Variants in MKNK2 observed in about 807,000 individuals in gnomAD.
MKNK2 encodes the protein MAP kinase-interacting serine/threonine-protein kinase 2.
A neutral mutation model predicts 55.0 loss-of-function variants in MKNK2; 54 were observed. That is an observed-to-expected ratio of 0.98 (90% CI 0.79 to 1.23). The LOEUF (loss-of-function observed/expected upper bound fraction) is 1.23. MKNK2 is among the 50% of genes most tolerant of loss of function. The probability of loss-of-function intolerance (pLI) is 0.00; values close to 1 mark genes in which losing one functional copy is unlikely to be tolerated. For synonymous variants in MKNK2, 323 were observed against 256.0 expected, an observed-to-expected ratio of 1.26 and a Z score of -2.50; for missense variants, 685 against 632.1, an observed-to-expected ratio of 1.08 and a Z score of -0.90.
In MKNK2 at chr19:2,039,240, C is replaced by G; in HGVS notation, c.*373G>C. 1 of 1,097,932 alleles carries G rather than the reference C, an allele frequency of 9.1e-7. No homozygotes were observed. The highest frequency in any genetic ancestry group is 1.1e-6 in the Non-Finnish European group (1 of 898,454). 68.0% of individuals were successfully genotyped at this position (1,097,932 alleles called of 1,614,324 possible). On this transcript the variant is annotated 3_prime_UTR_variant, in exon 14 of 14. Coordinates refer to ENST00000250896, the MANE Select transcript of MKNK2 (RefSeq NM_199054.3). ...ATGGCAAACGCTGTGGGCCTGCTCT[C>G]CTGAGTCACTGCAAGCCACGTGGGC...
rs1298468581 is a variant in MKNK2, at chr19:2,050,784, C to G, written c.51+17G>C. 2 of 1,534,806 alleles carry G rather than the reference C, an allele frequency of 1.3e-6. No homozygotes were observed. Among genetic ancestry groups the G allele is most frequent in the Non-Finnish European group, 8.8e-7 (1 of 1,140,902 alleles). On this transcript the variant is annotated intron_variant, in intron 2 of 13. Coordinates refer to ENST00000250896, the MANE Select transcript of MKNK2 (RefSeq NM_199054.3). ...TGGTCCAGCCCGGAGCGCCCCCAAA[C>G]CGACCCCGGGCCTCACCTTGAACGA...
At chr19:2,048,685 C>T (rs537554256) in intron 2 of MKNK2, among the ~76,000 whole-genome samples, 1 of 152,230 alleles carries the variant, frequency 6.6e-6, no homozygotes, top group Non-Finnish European at 1.5e-5. Flanking sequence ...TGGGTGGAGG[C>T]CAGAGGGCAG....
rs201949864 is a variant in MKNK2, at chr19:2,041,072, C to A, written c.1078G>T (p.Ala360Ser). The change falls in exon 12 of 14, where the codon GCC becomes TCC. Residue 360 changes from alanine (A) to serine (S), a missense_variant. Ala to Ser is a moderately conservative substitution (Grantham distance 99). Transcript: ENST00000250896. ...VRDAKQRLSAAQVLQHPWVQG... is the reference protein window; with the variant it reads ...VRDAKQRLSASQVLQHPWVQG... ...ACCCAGGGGTGCTGCAGGACTTGGG[C>A]GGCACTCAGCCTCTGCTTGGCGTCA... 3.3e-5 allele frequency: 53 copies of A among 1,613,954 alleles called. 1 individual carries two copies. In the South Asian group the frequency reaches 5.2e-4, roughly 16 times the overall value.
chr19:2,042,919 C>A, intron 7 of MKNK2, 49 bp from the exon 8 acceptor site: 1 of 1,524,114 alleles, frequency 6.6e-7, no homozygotes, highest in Non-Finnish European at 8.9e-7. Flanking sequence ...CAGGTCACCT[C>A]AAAGTCCCCT....
Position 2,042,534 on chromosome 19 carries a change from C to G in MKNK2, c.655-12G>C. The G allele has an allele frequency of 6.3e-7, 1 of 1,588,784 alleles. No individual in the cohort carries two copies. Among genetic ancestry groups the G allele is most frequent in the South Asian group, 1.1e-5 (1 of 87,034 alleles). On this transcript the variant is annotated splice_polypyrimidine_tract_variant and intron_variant, in intron 9 of 13. Coordinates refer to ENST00000250896, the MANE Select transcript of MKNK2 (RefSeq NM_199054.3). Reference sequence around the variant, plus strand: ...TTCACGGGGGAGACCTGGGAGGGGCCAAAAGGTCCGTGAGCCTGGGGTCCC... The same window carrying G: ...TTCACGGGGGAGACCTGGGAGGGGCGAAAAGGTCCGTGAGCCTGGGGTCCC...
chr19:2,048,463 C>T (rs1464547155), intron 2 of MKNK2, among the ~76,000 whole-genome samples: 1 of 152,122 alleles, frequency 6.6e-6, no homozygotes, highest in Non-Finnish European at 1.5e-5. Flanking sequence ...TACCACTGAG[C>T]TCTCACTCAG....
chr19:2,043,462 G>A, intron 6 of MKNK2, 41 bp downstream of exon 6: 1 of 1,577,298 alleles, frequency 6.3e-7, no homozygotes, highest in South Asian at 1.1e-5. Context: ...TCCACTGAAA[G>A]ACAGCTCAGG....
chr19:2,041,478 C>T (rs1270266632), intron 11 of MKNK2, among the ~76,000 whole-genome samples: 1 of 152,128 alleles, frequency 6.6e-6, no homozygotes, highest in Non-Finnish European at 1.5e-5. Context: ...TGAGCCTGAT[C>T]CCCCCAAACC....
chr19:2,040,206 T>C (rs1463544116), intron 12 of MKNK2, 29 bp from the exon 13 acceptor site: 8 of 1,544,094 alleles, frequency 5.2e-6, no homozygotes, highest in African/African-American at 1.4e-5. Flanking sequence ...GGGGCAGGGC[T>C]GGAGAGCAGC....
chr19:2,051,243 CG>C lies in MKNK2; in HGVS notation c.-245del, dbSNP rs2145699657. ...CTGGGCCACCGCCGCTGAGAGGAGC[CG>C]GGCGCGTCGCCGCCGCCGCCACCTT... On this transcript the variant is annotated 5_prime_UTR_variant, in exon 1 of 14. Coordinates refer to ENST00000250896, the MANE Select transcript of MKNK2 (RefSeq NM_199054.3). The C allele has an allele frequency of 7.3e-6, 1 of 137,574 alleles. No homozygotes were observed. The highest frequency in any genetic ancestry group is 3.2e-5 in the African/African-American group (1 of 31,372). 8.5% of individuals were successfully genotyped at this position (137,574 alleles called of 1,614,324 possible). A position where few individuals can be genotyped will look rare whatever the true frequency, so the allele number is the denominator to read the frequency against.
intron 2 of MKNK2, among the ~76,000 whole-genome samples, chr19:2,048,794 G>T (rs1355613359): frequency 6.6e-6 from 1 of 151,956 alleles, no homozygotes; most frequent in Non-Finnish European, 1.5e-5. Context: ...AGGAGGGAAG[G>T]AAGGGGGGGG....
rs538088987 is a variant in MKNK2, at chr19:2,047,414, T to C, written c.52-723A>G. 7.2e-5 allele frequency among the ~76,000 whole-genome samples: 11 copies of C among 152,086 alleles called. No homozygotes were observed. In the South Asian group the frequency reaches 1.0e-3, roughly 14 times the overall value. ...GGGGGCCTCTGGGAAAGGGGTGCAT[T>C]GCGGGGAGGGGACAGACACAAGCAG... On this transcript the variant is annotated intron_variant, in intron 2 of 13. Transcript: ENST00000250896.
At position 2,038,060 on chromosome 19, in the gene MKNK2, G is replaced by C; in HGVS notation, c.*1553C>G. On this transcript the variant is annotated 3_prime_UTR_variant, in exon 14 of 14. Coordinates refer to ENST00000250896, the MANE Select transcript of MKNK2 (RefSeq NM_199054.3). ...CCCCCAGGGGTCTTTGGAAGGGGCA[G>C]TCCACAGATATGGGCAGTGGGGACC... is the stretch of plus-strand genomic sequence containing the variant. The C allele has an allele frequency of 1.6e-6, 2 of 1,253,046 alleles. No individual in the cohort carries two copies. The highest frequency in any genetic ancestry group is 6.4e-5 in the East Asian group (2 of 31,246). The allele number at this position is 1,253,046 out of a possible 1,614,324, so 77.6% of individuals were successfully genotyped here.
chr19:2,038,437 G>C lies in MKNK2; in HGVS notation c.*1176C>G. The C allele has an allele frequency of 1.0e-6, 1 of 985,454 alleles. No individual in the cohort carries two copies. Among genetic ancestry groups the C allele is most frequent in the African/African-American group, 1.7e-5 (1 of 57,298 alleles). 61.0% of individuals were successfully genotyped at this position (985,454 alleles called of 1,614,324 possible). A position where few individuals can be genotyped will look rare whatever the true frequency, so the allele number is the denominator to read the frequency against. On this transcript the variant is annotated 3_prime_UTR_variant, in exon 14 of 14. Transcript: ENST00000250896. ...TAGAACGTCCCCACCCGCGGGGAGG[G>C]GGCAGCAGGCTCCGCAGCCCCCGGG...
chr19:2,040,632 C>T (rs2016856227), intron 12 of MKNK2: 4 of 291,054 alleles, frequency 1.4e-5, no homozygotes, highest in South Asian at 5.3e-5. Context: ...CTCAGATGAC[C>T]TCTGGCAGGA....
At position 2,042,085 on chromosome 19, in the gene MKNK2, G is replaced by T. The variant is rs1249477456; in HGVS notation, c.751-51C>A. On this transcript the variant is annotated intron_variant, in intron 10 of 13. Coordinates refer to ENST00000250896, the MANE Select transcript of MKNK2 (RefSeq NM_199054.3). ...GCCGGGGTTTCCCAGCATTACGTGG[G>T]AACCGAGCCCGGGTAACTGCGGGTC... The T allele has an allele frequency of 4.2e-6, 6 of 1,416,120 alleles. No individual in the cohort carries two copies. The East Asian group carries it at 1.4e-4, about 34-fold the overall frequency. 87.7% of individuals were successfully genotyped at this position (1,416,120 alleles called of 1,614,324 possible).
At chr19:2,048,742 C>T (rs986514064) in intron 2 of MKNK2, among the ~76,000 whole-genome samples, 5 of 152,052 alleles carry the variant, frequency 3.3e-5, no homozygotes, top group African/African-American at 1.2e-4. Flanking sequence ...CCTCCCCACC[C>T]ACCCTGGCTC....
chr19:2,049,730 G>A (rs774626602), intron 2 of MKNK2, among the ~76,000 whole-genome samples: 28 of 152,096 alleles, frequency 1.8e-4, no homozygotes, highest in Non-Finnish European at 3.7e-4. Flanking sequence ...CCTCTTTCCC[G>A]CCCAGCCCCT....
intron 12 of MKNK2, chr19:2,040,538 G>A (rs1171936769): frequency 3.1e-6 from 1 of 324,708 alleles, no homozygotes; most frequent in Non-Finnish European, 5.7e-6. Flanking sequence ...GGAGATTGGA[G>A]GCCCCCAGCC....
Sources: gnomAD v4.1 joint callset for allele counts (sites outside exome capture counted in the v4.1 genomes callset) on GRCh38, gnomAD v4.1.1 for gene constraint, MANE v1.5 for transcripts, NCBI Gene and HGNC (gene_info 2026-07-23, HGNC 2026-07-21) for gene names.